Variants in MSRA observed in about 807,000 individuals in gnomAD.
The protein encoded by MSRA is methionine sulfoxide reductase A.
In MSRA, 54 loss-of-function variants were observed where a neutral mutation model predicts 31.3. The ratio of observed to expected loss-of-function variants is 1.73; its 90% CI spans 1.39 to 2.17. The LOEUF is 2.17. Among genes scored for constraint, MSRA ranks in the 30% most tolerant of loss-of-function variants. MSRA has a pLI of 0.00. For synonymous variants in MSRA, 169 were observed against 116.5 expected, an observed-to-expected ratio of 1.45 and a Z score of -2.90; for missense variants, 507 against 300.9, an observed-to-expected ratio of 1.69 and a Z score of -5.07.
chr8:10,381,560 G>C (rs911045464), intron 5 of MSRA, among the ~76,000 whole-genome samples: 1 of 152,170 alleles, frequency 6.6e-6, no homozygotes, highest in Non-Finnish European at 1.5e-5. Context: ...AAATCCATCT[G>C]CTGTCCTGGA....
chr8:10,244,139 C>T (rs1440065913), intron 2 of MSRA, among the ~76,000 whole-genome samples: 2 of 152,088 alleles, frequency 1.3e-5, no homozygotes, highest in South Asian at 2.1e-4. Flanking sequence ...TATTAATTTG[C>T]CAACTGTTGT....
At chr8:10,151,446 A>G (rs1803670506) in intron 1 of MSRA, among the ~76,000 whole-genome samples, 1 of 151,834 alleles carries the variant, frequency 6.6e-6, no homozygotes, top group Non-Finnish European at 1.5e-5. Context: ...TATCGAGACC[A>G]TCCTGGCTAA....
intron 1 of MSRA, among the ~76,000 whole-genome samples, chr8:10,140,693 C>T (rs749602168): frequency 2.0e-5 from 3 of 151,996 alleles, no homozygotes; most frequent in Non-Finnish European, 4.4e-5. Flanking sequence ...TCAGAAGTTA[C>T]CAGTGCACAG....
At chr8:10,257,677 A>G (rs1041910174) in intron 3 of MSRA, among the ~76,000 whole-genome samples, 6 of 152,174 alleles carry the variant, frequency 3.9e-5, no homozygotes, top group African/African-American at 7.2e-5. Flanking sequence ...CGGCACCTCA[A>G]TGGCCTCCCA....
At chr8:10,218,254 C>G (rs181288121) in intron 2 of MSRA, among the ~76,000 whole-genome samples, 2 of 151,908 alleles carry the variant, frequency 1.3e-5, no homozygotes, top group African/African-American at 2.4e-5. Context: ...TCAAGCGATT[C>G]TTTTCCTCAG....
chr8:10,292,820 G>A (rs1023791436), intron 3 of MSRA, among the ~76,000 whole-genome samples: 16 of 152,142 alleles, frequency 1.1e-4, no homozygotes, highest in African/African-American at 2.7e-4. Context: ...CTTGGTGGGC[G>A]AGCCCTACAG....
rs896728680 is a variant in MSRA at position 10,161,990 on chromosome 8, G to C, written c.143-45843G>C. Among the ~76,000 whole-genome samples, 6 of 152,328 alleles carry C rather than the reference G, an allele frequency of 3.9e-5. No individual in the cohort carries two copies. The East Asian group carries it at 1.2e-3, about 29-fold the overall frequency. On this transcript the variant is annotated intron_variant, in intron 1 of 5. Transcript: ENST00000317173. ...ACTGCATGGTCCTGTGCGGATCCCA[G>C]CTCGCAGCAGGTGCCCACAGGACGC...
chr8:10,204,038 A>T (rs868816487), intron 1 of MSRA, among the ~76,000 whole-genome samples: 9 of 152,150 alleles, frequency 5.9e-5, no homozygotes, highest in South Asian at 2.1e-4. Flanking sequence ...AAAAATAGGA[A>T]GAAGTTTTCA....
chr8:10,274,009 CTG>C (rs1241768617), intron 3 of MSRA, among the ~76,000 whole-genome samples: 6 of 152,132 alleles, frequency 3.9e-5, no homozygotes, highest in African/African-American at 1.4e-4. Context: ...AAGGAAGCCT[CTG>C]GGAACCAGGA....
chr8:10,163,334 C>T (rs10086826), intron 1 of MSRA, among the ~76,000 whole-genome samples: 2,446 of 152,292 alleles, frequency 0.016, 71 homozygotes, highest in African/African-American at 0.055. Context: ...TCATGGTGGC[C>T]GGTCACCTTC....
chr8:10,352,351 T>C (rs1440623433), intron 5 of MSRA, among the ~76,000 whole-genome samples: 2 of 152,148 alleles, frequency 1.3e-5, no homozygotes, highest in Non-Finnish European at 1.5e-5. Flanking sequence ...TTTTTGCTGG[T>C]ATGCGAAGGG....
intron 5 of MSRA, among the ~76,000 whole-genome samples, chr8:10,350,982 C>G (rs1804095564): frequency 6.8e-6 from 1 of 146,038 alleles, no homozygotes; most frequent in South Asian, 2.3e-4. Flanking sequence ...AAACCACCCT[C>G]CAGAACTCTT....
rs192287467 is a variant in MSRA at position 10,146,115 on chromosome 8, T to C, written c.143-61718T>C. On this transcript the variant is annotated intron_variant, in intron 1 of 5. Transcript: ENST00000317173. ...AGAAATGGTTCCTGCTGTCCAGGAG[T>C]GTGTGGTTTGGACCAGAACAAAACA... Among the ~76,000 whole-genome samples, 238 of 152,026 alleles carry C rather than the reference T, an allele frequency of 1.6e-3. 1 individual carries two copies. Among genetic ancestry groups the C allele is most frequent in the Non-Finnish European group, 2.9e-3 (200 of 67,964 alleles).
intron 5 of MSRA, among the ~76,000 whole-genome samples, chr8:10,387,317 G>A (rs956447877): frequency 1.3e-5 from 2 of 152,220 alleles, no homozygotes; most frequent in African/African-American, 4.8e-5. Flanking sequence ...TTTTAGGGGT[G>A]AAGGGAATTT....
At chr8:10,233,117 TC>T (rs1280493795) in intron 2 of MSRA, among the ~76,000 whole-genome samples, 1 of 152,236 alleles carries the variant, frequency 6.6e-6, no homozygotes, top group African/African-American at 2.4e-5. Flanking sequence ...AAGGAACAAT[TC>T]AGATATATCC....
intron 2 of MSRA, among the ~76,000 whole-genome samples, chr8:10,224,506 A>T (rs1479411078): frequency 6.7e-6 from 1 of 149,440 alleles, no homozygotes; most frequent in Non-Finnish European, 1.5e-5. Context: ...AAAAAAAAAG[A>T]CCAAATAAAA....
Position 10,140,597 on chromosome 8 carries a change from T to G in MSRA, c.143-67236T>G, listed in dbSNP as rs529099730. 9.2e-5 allele frequency among the ~76,000 whole-genome samples: 14 copies of G among 152,272 alleles called. No homozygotes were observed. In the South Asian group the frequency reaches 2.5e-3, roughly 27 times the overall value. ...ACAAACATACAACCCCTACATGAAC[T>G]GTTGTGTAATATGCATAATTTCTCG... On this transcript the variant is annotated intron_variant, in intron 1 of 5. Coordinates refer to ENST00000317173, the MANE Select transcript of MSRA (RefSeq NM_012331.5).
At chr8:10,254,031 G>A (rs887623581) in intron 3 of MSRA, among the ~76,000 whole-genome samples, 3 of 152,194 alleles carry the variant, frequency 2.0e-5, no homozygotes, top group South Asian at 2.1e-4. Context: ...CCGTGCCTCC[G>A]ATCTGCCGGG....
intron 1 of MSRA, among the ~76,000 whole-genome samples, chr8:10,160,447 A>C (rs907297261): frequency 6.6e-6 from 1 of 151,938 alleles, no homozygotes; most frequent in Non-Finnish European, 1.5e-5. Flanking sequence ...GTGAGCCAAG[A>C]TGGTGCCACC....
Sources: gnomAD v4.1 joint callset for allele counts (sites outside exome capture counted in the v4.1 genomes callset) on GRCh38, gnomAD v4.1.1 for gene constraint, MANE v1.5 for transcripts, NCBI Gene and HGNC (gene_info 2026-07-23, HGNC 2026-07-21) for gene names.